Variants in STAG1 observed in about 807,000 individuals in gnomAD.
STAG1 encodes cohesin subunit SA-1.
Under a neutral mutation model 170.9 loss-of-function variants are expected in STAG1, and 26 were observed. The observed-to-expected ratio is 0.15, with a 90% CI of 0.11 to 0.21. The LOEUF is 0.21. Among genes scored for constraint, STAG1 ranks in the 10% least tolerant of loss-of-function variants. The probability of loss-of-function intolerance (pLI) is 1.00; values close to 1 mark genes in which losing one functional copy is unlikely to be tolerated. For missense variants in STAG1, 964 were observed against 1,509.5 expected, an observed-to-expected ratio of 0.64 and a Z score of 5.99; for synonymous variants, 514 against 497.7, an observed-to-expected ratio of 1.03 and a Z score of -0.44.
At chr3:136,669,243 T>C (rs1941907396) in intron 1 of STAG1, among the ~76,000 whole-genome samples, 1 of 152,216 alleles carries the variant, frequency 6.6e-6, no homozygotes, top group Admixed American at 6.5e-5. Flanking sequence ...CAAAAAACGC[T>C]GAAAAGATCA....
intron 15 of STAG1, among the ~76,000 whole-genome samples, chr3:136,440,896 G>A (rs539390658): frequency 8.5e-5 from 13 of 152,148 alleles, no homozygotes; most frequent in East Asian, 1.9e-4. Flanking sequence ...GGCTGAGGTC[G>A]GAGGATTGCT....
Position 136,341,402 on chromosome 3 carries a change from T to C in STAG1, c.3557+39A>G, listed in dbSNP as rs372837756. On this transcript the variant is annotated intron_variant, in intron 31 of 33. Transcript: ENST00000383202. ...ATTTCACAAAATGATGGGCATCACA[T>C]AGTTGTTATGTTCTTGTGATACTCC... The C allele has an allele frequency of 1.1e-5, 14 of 1,299,428 alleles. No homozygotes were observed. In the African/African-American group the frequency reaches 1.9e-4, roughly 18 times the overall value. 80.5% of individuals were successfully genotyped at this position (1,299,428 alleles called of 1,614,324 possible).
intron 1 of STAG1, among the ~76,000 whole-genome samples, chr3:136,682,298 G>A (rs2107888114): frequency 6.6e-6 from 1 of 151,892 alleles, no homozygotes; most frequent in African/African-American, 2.4e-5. Context: ...GGTGGTGGGT[G>A]TCTGTAATCC....
At chr3:136,381,626 A>C (rs934139145) in intron 22 of STAG1, among the ~76,000 whole-genome samples, 1 of 152,188 alleles carries the variant, frequency 6.6e-6, no homozygotes. Context: ...AGTCAGTGAA[A>C]AATAGGATGG....
intron 7 of STAG1, among the ~76,000 whole-genome samples, chr3:136,505,529 A>G (rs1933713198): frequency 6.6e-6 from 1 of 152,246 alleles, no homozygotes; most frequent in African/African-American, 2.4e-5. Context: ...TTACAAAAGT[A>G]CTAGGTTGTG....
rs1186641674 is a variant in STAG1 at position 136,586,138 on chromosome 3, T to G, written c.298-17277A>C. On this transcript the variant is annotated intron_variant, in intron 4 of 33. Transcript: ENST00000383202. ...GAAAGTCCACCATATTTCATATATT[T>G]AAACATCTATAAACAATAATATAAA... Among the ~76,000 whole-genome samples, 7 of 152,278 alleles carry G rather than the reference T, an allele frequency of 4.6e-5. 1 individual carries two copies. Among genetic ancestry groups the G allele is most frequent in the Admixed American group, 3.9e-4 (6 of 15,290 alleles).
intron 9 of STAG1, among the ~76,000 whole-genome samples, chr3:136,496,408 CA>C (rs1933097355): frequency 6.6e-6 from 1 of 152,146 alleles, no homozygotes; most frequent in Non-Finnish European, 1.5e-5. Context: ...GGGTCTCATA[CA>C]AATCTCAATA....
At chr3:136,398,500 CGT>C (rs142935528) in intron 22 of STAG1, among the ~76,000 whole-genome samples, 2 of 151,630 alleles carry the variant, frequency 1.3e-5, no homozygotes, top group African/African-American at 2.4e-5. Flanking sequence ...AGTTTTAATC[CGT>C]GTGTGTGTGT....
intron 28 of STAG1, among the ~76,000 whole-genome samples, chr3:136,356,815 T>A (rs1024903407): frequency 6.6e-6 from 1 of 151,712 alleles, no homozygotes; most frequent in African/African-American, 2.4e-5. Context: ...TGGAGTGGCA[T>A]GATCGCAGCT....
intron 15 of STAG1, among the ~76,000 whole-genome samples, chr3:136,434,678 T>C (rs2088402670): frequency 6.6e-6 from 1 of 152,218 alleles, no homozygotes; most frequent in East Asian, 1.9e-4. Context: ...CACGTCTGTC[T>C]CCTTTTGTTT....
At chr3:136,369,418 ATAT>A (rs1560063864) in intron 23 of STAG1, 136 bp from the exon 24 acceptor site, 1 of 631,914 alleles carries the variant, frequency 1.6e-6, no homozygotes, top group East Asian at 3.5e-5. Context: ...TAAATTCCAA[ATAT>A]TGTTATAATT....
Position 136,499,601 on chromosome 3 carries a change from A to C in STAG1, c.902+622T>G, listed in dbSNP as rs140405411. Among the ~76,000 whole-genome samples, 103 of 152,344 alleles carry C rather than the reference A, an allele frequency of 6.8e-4. No homozygotes were observed. The East Asian group carries it at 0.019, about 28-fold the overall frequency. ...GTATATGTATATGATTCATTCACTC[A>C]ATGTAAAATATGCTCTTTTACAATG... On this transcript the variant is annotated intron_variant, in intron 9 of 33. Transcript: ENST00000383202.
At chr3:136,424,328 CTTTTTTT>C (rs60213699) in intron 16 of STAG1, among the ~76,000 whole-genome samples, 3 of 117,192 alleles carry the variant, frequency 2.6e-5, no homozygotes, top group African/African-American at 9.7e-5. Flanking sequence ...ATGGAACGAT[CTTTTTTT>C]TTTTTTTTTT....
At chr3:136,553,787 AAAG>A (rs1227791664) in intron 5 of STAG1, among the ~76,000 whole-genome samples, 1 of 152,240 alleles carries the variant, frequency 6.6e-6, no homozygotes, top group Non-Finnish European at 1.5e-5. Context: ...CAAAAAGTTC[AAAG>A]AAGTAGAGAA....
At position 136,749,327 on chromosome 3, in the gene STAG1, T is replaced by C. The variant is rs541084658; in HGVS notation, c.-84+2868A>G. Among the ~76,000 whole-genome samples the C allele has an allele frequency of 1.3e-4, 20 of 152,288 alleles. No homozygotes were observed. In the South Asian group the frequency reaches 1.4e-3, roughly 11 times the overall value. On this transcript the variant is annotated intron_variant, in intron 1 of 33. Coordinates refer to ENST00000383202, the MANE Select transcript of STAG1 (RefSeq NM_005862.3). ...TAGCATGGATAAAAGCTAACAGCCA[T>C]GTTGTGAACTATGTGGCCACACGGC...
intron 22 of STAG1, among the ~76,000 whole-genome samples, chr3:136,385,821 C>A (rs781707756): frequency 6.6e-6 from 1 of 152,048 alleles, no homozygotes; most frequent in Non-Finnish European, 1.5e-5. Context: ...CTTGTCTCAG[C>A]CTCCCAAGGG....
intron 27 of STAG1, among the ~76,000 whole-genome samples, chr3:136,358,853 C>T (rs552108766): frequency 5.9e-5 from 9 of 152,236 alleles, no homozygotes; most frequent in South Asian, 4.1e-4. Context: ...GGATTACAGG[C>T]GTGAACCACC....
At chr3:136,512,578 T>G (rs1289185235) in intron 7 of STAG1, among the ~76,000 whole-genome samples, 1 of 152,116 alleles carries the variant, frequency 6.6e-6, no homozygotes, top group Non-Finnish European at 1.5e-5. Context: ...TGTGTGTGAT[T>G]ATGTTTGGTT....
intron 7 of STAG1, among the ~76,000 whole-genome samples, chr3:136,516,157 A>C (rs1020043369): frequency 6.6e-6 from 1 of 152,198 alleles, no homozygotes; most frequent in African/African-American, 2.4e-5. Context: ...CTGTGTGGTT[A>C]AAAATTATAA....
Sources: gnomAD v4.1 joint callset for allele counts (sites outside exome capture counted in the v4.1 genomes callset) on GRCh38, gnomAD v4.1.1 for gene constraint, MANE v1.5 for transcripts, NCBI Gene and HGNC (gene_info 2026-07-23, HGNC 2026-07-21) for gene names.